The following LAMB3 variants were observed in gnomAD, a reference collection of about 807,000 sequenced individuals.
LAMB3 encodes the protein laminin subunit beta-3.
Under a neutral mutation model 140.3 loss-of-function variants are expected in LAMB3, and 104 were observed. The ratio of observed to expected loss-of-function variants is 0.74; its 90% CI spans 0.63 to 0.87. The LOEUF is 0.87. Ranked by LOEUF, LAMB3 falls within the 40% of genes least tolerant of loss-of-function variation. LAMB3 has a pLI of 0.00. For synonymous variants in LAMB3, 592 were observed against 602.9 expected, an observed-to-expected ratio of 0.98 and a Z score of 0.26; for missense variants, 1,531 against 1,575.2, an observed-to-expected ratio of 0.97 and a Z score of 0.47.
intron 8 of LAMB3, among the ~76,000 whole-genome samples, chr1:209,632,355 G>T (rs1486852727): frequency 2.6e-5 from 4 of 152,208 alleles, no homozygotes; most frequent in Non-Finnish European, 5.9e-5. Flanking sequence ...CCACACTTAT[G>T]TAAATGAAAT....
chr1:209,635,049 G>C (rs72758559), intron 5 of LAMB3, among the ~76,000 whole-genome samples: 3,467 of 151,442 alleles, frequency 0.023, 69 homozygotes, highest in Non-Finnish European at 0.032. Flanking sequence ...GCTCTTCCTG[G>C]GTGATTATCT....
intron 14 of LAMB3, among the ~76,000 whole-genome samples, chr1:209,625,058 A>C (rs1016477582): frequency 2.6e-5 from 4 of 152,208 alleles, no homozygotes; most frequent in Non-Finnish European, 1.5e-5. Flanking sequence ...GCTCTAGCAC[A>C]TCGTGAGTCA....
chr1:209,615,609 C>A (rs1187983692), intron 22 of LAMB3, among the ~76,000 whole-genome samples: 1 of 152,196 alleles, frequency 6.6e-6, no homozygotes, highest in Non-Finnish European at 1.5e-5. Context: ...CTGGCAGGGG[C>A]CAAACCCAGC....
chr1:209,641,055 C>T (rs975607201), intron 3 of LAMB3, among the ~76,000 whole-genome samples: 2 of 146,334 alleles, frequency 1.4e-5, no homozygotes, highest in Non-Finnish European at 3.0e-5. Context: ...TGCACTCCAG[C>T]CTGGGCAACA....
intron 3 of LAMB3, among the ~76,000 whole-genome samples, chr1:209,648,009 A>T (rs1172567790): frequency 2.0e-5 from 3 of 152,216 alleles, no homozygotes; most frequent in African/African-American, 4.8e-5. Context: ...AATTCTTATC[A>T]TGCAGCCACC....
At chr1:209,632,448 TG>T in intron 8 of LAMB3, 134 bp downstream of exon 8, 1 of 656,160 alleles carries the variant, frequency 1.5e-6, no homozygotes, top group South Asian at 2.2e-5. Flanking sequence ...TTCGATTTTT[TG>T]TTGTTGCTGC....
At chr1:209,618,775 T>C in intron 18 of LAMB3, 116 bp from the exon 19 acceptor site, 2 of 966,552 alleles carry the variant, frequency 2.1e-6, no homozygotes, top group East Asian at 2.6e-5. Flanking sequence ...TCTACCGTGG[T>C]GTCCCAAGGA....
chr1:209,649,479 C>G (rs962094472), intron 3 of LAMB3, among the ~76,000 whole-genome samples: 8 of 152,234 alleles, frequency 5.3e-5, no homozygotes, highest in African/African-American at 1.9e-4. Flanking sequence ...TTTGATCCAA[C>G]TTACATCTGA....
chr1:209,638,970 G>A (rs1199993782), intron 3 of LAMB3, among the ~76,000 whole-genome samples: 15 of 115,094 alleles, frequency 1.3e-4, no homozygotes, highest in African/African-American at 4.3e-4. Flanking sequence ...GAAAAGTGCC[G>A]AGAAAAAAAA....
Position 209,623,151 on chromosome 1 carries a change from C to A in LAMB3, c.2387G>T (p.Cys796Phe). 1.2e-6 allele frequency: 2 copies of A among 1,614,190 alleles called. No homozygotes were observed. The highest frequency in any genetic ancestry group is 1.7e-6 in the Non-Finnish European group (2 of 1,180,034). The change falls in exon 17 of 23, where the codon TGC becomes TTC. Residue 796 changes from cysteine to phenylalanine, a missense_variant. Physicochemically the swap from Cys to Phe is radical, Grantham distance 205. Coordinates refer to ENST00000356082, the MANE Select transcript of LAMB3 (RefSeq NM_000228.3). This position sits in a 1 kb window ranked among gnomAD's most constrained non-coding sequence, Gnocchi z 4.2. ...KLCGNSRQMA[C>F]TPISCPGELC... ...CTCACCAGGGCATGATATTGGGGTG[C>A]AAGCCATCTGCCTGGAGTTGCCACA...
intron 14 of LAMB3, 33 bp from the exon 15 acceptor site, chr1:209,624,033 A>T (rs745679257): frequency 6.2e-7 from 1 of 1,600,894 alleles, no homozygotes; most frequent in Non-Finnish European, 8.5e-7. Flanking sequence ...ACTAAAATAT[A>T]GGAGGGAGTT....
At chr1:209,652,156 C>G (rs971529442) in intron 1 of LAMB3, 2 of 152,242 alleles carry the variant, frequency 1.3e-5, no homozygotes, top group African/African-American at 4.8e-5. Flanking sequence ...TGCTCAACCC[C>G]GGATCTGAAC....
At chr1:209,634,935 CT>C (rs1279290023) in intron 5 of LAMB3, among the ~76,000 whole-genome samples, 6 of 151,452 alleles carry the variant, frequency 4.0e-5, no homozygotes, top group African/African-American at 1.5e-4. Context: ...CTCTCTCTCT[CT>C]CTCTCTCTCT....
At chr1:209,628,269 G>A in intron 10 of LAMB3, 79 bp from the exon 11 acceptor site, 3 of 1,489,048 alleles carry the variant, frequency 2.0e-6, no homozygotes, top group Non-Finnish European at 2.7e-6. Flanking sequence ...CAGGCTGCCT[G>A]GTTCAAATCC....
Position 209,616,609 on chromosome 1 carries a change from T to C in LAMB3, c.3244A>G (p.Lys1082Glu). 6.2e-7 allele frequency: 1 copy of C among 1,614,206 alleles called. No homozygotes were observed. The highest frequency in any genetic ancestry group is 8.5e-7 in the Non-Finnish European group (1 of 1,180,024). The change falls in exon 22 of 23, where the codon AAA (lysine) becomes GAA (glutamate). Residue 1082 changes from lysine to glutamate, a missense_variant. Transcript: ENST00000356082. ...LSAQEGFERI[K>E]QKYAELKDRL... ...TCCTTCAACTCAGCATACTTTTGTT[T>C]TATTCTCTCAAATCCCTGAAAAAGG...
intron 17 of LAMB3, 71 bp from the exon 18 acceptor site, chr1:209,622,751 C>G: frequency 6.3e-7 from 1 of 1,587,940 alleles, no homozygotes; most frequent in Non-Finnish European, 8.6e-7. Flanking sequence ...CACGATTCTG[C>G]GGATCATCCT....
Position 209,630,659 on chromosome 1 carries a change from C to T in LAMB3, c.899G>A (p.Arg300Gln), listed in dbSNP as rs376688965. 2.3e-5 allele frequency: 37 copies of T among 1,613,954 alleles called. No homozygotes were observed. Among genetic ancestry groups the T allele is most frequent in the South Asian group, 4.4e-5 (4 of 91,060 alleles). Residue 300 changes from arginine to glutamine, a missense_variant, in exon 9 of 23, where the codon CGG (arginine) becomes CAG (glutamine). By Grantham distance (43) the Arg-to-Gln change is conservative. Transcript: ENST00000356082. ...CTGGCCCTCCGCCGGTCTCCAGGGCCGGTTGTTGTAGAAGGGTGCACAGCG... is the reference window on the plus strand; with the variant it reads ...CTGGCCCTCCGCCGGTCTCCAGGGCTGGTTGTTGTAGAAGGGTGCACAGCG... ...CERCAPFYNNRPWRPAEGQDA... is the reference protein window; with the variant it reads ...CERCAPFYNNQPWRPAEGQDA...
intron 18 of LAMB3, among the ~76,000 whole-genome samples, chr1:209,620,046 G>C (rs1666130966): frequency 1.3e-5 from 2 of 152,208 alleles, no homozygotes; most frequent in South Asian, 2.1e-4. Flanking sequence ...TCTCAAGAAA[G>C]CCTTCCAGGA....
At chr1:209,618,718 C>A (rs1158800690) in intron 18 of LAMB3, 59 bp from the exon 19 acceptor site, 9 of 1,521,788 alleles carry the variant, frequency 5.9e-6, no homozygotes, top group African/African-American at 1.4e-5. Flanking sequence ...AGATACGAGG[C>A]CTCTCCTAGC....
Sources: allele counts gnomAD v4.1 joint callset (sites outside exome capture counted in the v4.1 genomes callset), GRCh38; gene constraint gnomAD v4.1.1; non-coding constraint Gnocchi (gnomAD v3.1); transcripts MANE v1.5; gene names NCBI Gene and HGNC (gene_info 2026-07-23, HGNC 2026-07-21).